The following RAB5C variants were observed in gnomAD, a reference collection of about 807,000 sequenced individuals.
RAB5C encodes the protein ras-related protein Rab-5C.
A neutral mutation model predicts 25.2 loss-of-function variants in RAB5C; 4 were observed. That is an observed-to-expected ratio of 0.16 (90% CI 0.08 to 0.36). The LOEUF is 0.36. Ranked by LOEUF, RAB5C falls within the 10% of genes least tolerant of loss-of-function variation. RAB5C has a pLI of 1.00. For synonymous variants in RAB5C, 100 were observed against 106.4 expected (o/e 0.94, Z 0.37); for missense variants, 199 against 283.8 (o/e 0.70, Z 2.15).
chr17:42,135,337 A>G (rs2054526477), intron 1 of RAB5C, among the ~76,000 whole-genome samples: 1 of 150,832 alleles, frequency 6.6e-6, no homozygotes, highest in South Asian at 2.1e-4. Context: ...GATTCACTGC[A>G]GCCTTGACCT....
chr17:42,133,584 G>T (rs868343822), intron 1 of RAB5C, among the ~76,000 whole-genome samples: 1 of 152,208 alleles, frequency 6.6e-6, no homozygotes, highest in Non-Finnish European at 1.5e-5. Flanking sequence ...GCATCTGCAG[G>T]TGAAGCACAC....
chr17:42,133,357 T>A (rs914345099), intron 1 of RAB5C, among the ~76,000 whole-genome samples: 2 of 152,166 alleles, frequency 1.3e-5, no homozygotes, highest in Admixed American at 1.3e-4. Context: ...AGCTGGGAAG[T>A]AACCAGCACC....
chr17:42,134,494 C>G (rs1456367509), intron 1 of RAB5C, among the ~76,000 whole-genome samples: 1 of 152,134 alleles, frequency 6.6e-6, no homozygotes, highest in Admixed American at 6.5e-5. Context: ...CAAGAATTGC[C>G]TGAACCCAGG....
At chr17:42,137,551 T>C (rs2054549602) in intron 1 of RAB5C, among the ~76,000 whole-genome samples, 1 of 152,292 alleles carries the variant, frequency 6.6e-6, no homozygotes, top group African/African-American at 2.4e-5. Context: ...CTCCTCTGTA[T>C]ATAAAATATT....
rs377559925 is a variant in RAB5C at position 42,144,904 on chromosome 17, C to T, written c.-89+9989G>A. 3.6e-3 allele frequency among the ~76,000 whole-genome samples: 323 copies of T among 90,196 alleles called. 3 individuals carry two copies. The highest frequency in any genetic ancestry group is 0.015 in the African/African-American group (307 of 20,644). The allele number at this position is 90,196 out of a possible 152,430, so 59.2% of individuals were successfully genotyped here. A position where few individuals can be genotyped will look rare whatever the true frequency, so the allele number is the denominator to read the frequency against. On this transcript the variant is annotated intron_variant, in intron 1 of 5. Transcript: ENST00000346213. ...ATTGCCCCACTGCATCCAGCCTGGGCGACAGAGCCAGACTCCGTCTCAAAA... is the reference window on the plus strand; with the variant it reads ...ATTGCCCCACTGCATCCAGCCTGGGTGACAGAGCCAGACTCCGTCTCAAAA...
intron 1 of RAB5C, among the ~76,000 whole-genome samples, chr17:42,142,691 A>T (rs2079610208): frequency 6.6e-6 from 1 of 152,230 alleles, no homozygotes. Context: ...AACTCCTGTT[A>T]AGATCCCAAG....
At chr17:42,136,962 A>T (rs1324884316) in intron 1 of RAB5C, among the ~76,000 whole-genome samples, 11 of 152,232 alleles carry the variant, frequency 7.2e-5, no homozygotes, top group East Asian at 1.9e-4. Context: ...GCATGTTTTT[A>T]AAAAATGTAG....
At chr17:42,128,530 T>TGGGGGGGGGGGGGGGGGGGG in intron 3 of RAB5C, 119 bp downstream of exon 3, 2 of 730,792 alleles carry the variant, frequency 2.7e-6, no homozygotes, top group Non-Finnish European at 4.1e-6. Context: ...ACAGGAAATC[T>TGGGGGGGGGGGGGGGGGGGG]GCCCACCCCC....
chr17:42,139,401 C>G (rs1292121082), intron 1 of RAB5C, among the ~76,000 whole-genome samples: 2 of 152,258 alleles, frequency 1.3e-5, no homozygotes, highest in African/African-American at 4.8e-5. Context: ...GCTGACATTC[C>G]TGAGACTGTT....
At chr17:42,126,054 G>T (rs780653682) in intron 5 of RAB5C, among the ~76,000 whole-genome samples, 156 bp from the exon 6 acceptor site, 1 of 152,164 alleles carries the variant, frequency 6.6e-6, no homozygotes, top group East Asian at 1.9e-4. Flanking sequence ...TCAGGAAACT[G>T]CGGCAAAGTA....
chr17:42,127,827 G>GTT (rs34288959), intron 4 of RAB5C, among the ~76,000 whole-genome samples: 16 of 121,212 alleles, frequency 1.3e-4, no homozygotes, highest in South Asian at 5.4e-4. Context: ...ACACCTGGCT[G>GTT]TTTTTTTTTT....
chr17:42,146,582 C>T (rs2079636266), intron 1 of RAB5C, among the ~76,000 whole-genome samples: 1 of 152,152 alleles, frequency 6.6e-6, no homozygotes, highest in Admixed American at 6.6e-5. Context: ...AACCCCGTCT[C>T]TACTAAAAAT....
In RAB5C at chr17:42,130,559, A is replaced by C. The variant is rs2054474724; in HGVS notation, c.-57T>G. 1 of 1,601,036 alleles carries C rather than the reference A, an allele frequency of 6.2e-7. No homozygotes were observed. Among genetic ancestry groups the C allele is most frequent in the African/African-American group, 1.3e-5 (1 of 74,700 alleles). On this transcript the variant is annotated 5_prime_UTR_variant, in exon 2 of 6. Coordinates refer to ENST00000346213, the MANE Select transcript of RAB5C (RefSeq NM_004583.4). Reference sequence around the variant, plus strand: ...TGCGGGTGGGGACTGGTGCTATGCAAAGAGGCACTTAGTGGGGAGGGGGAC... The same window carrying C: ...TGCGGGTGGGGACTGGTGCTATGCACAGAGGCACTTAGTGGGGAGGGGGAC...
At chr17:42,129,120 G>A (rs1389986820) in intron 2 of RAB5C, among the ~76,000 whole-genome samples, 2 of 152,040 alleles carry the variant, frequency 1.3e-5, no homozygotes, top group Non-Finnish European at 2.9e-5. Context: ...GAAAGCCTAG[G>A]GGAAGCCTAC....
chr17:42,132,495 T>C (rs1001735279), intron 1 of RAB5C, among the ~76,000 whole-genome samples: 1 of 152,186 alleles, frequency 6.6e-6, no homozygotes, highest in Admixed American at 6.5e-5. Flanking sequence ...TTCCTCACAG[T>C]GCCTATGTGC....
chr17:42,130,720 C>A, intron 1 of RAB5C, 130 bp from the exon 2 acceptor site: 1 of 1,155,366 alleles, frequency 8.7e-7, no homozygotes, highest in East Asian at 2.6e-5. Flanking sequence ...ACCTCACCTC[C>A]CTGCCCTCCC....
At chr17:42,144,629 T>C (rs983519148) in intron 1 of RAB5C, among the ~76,000 whole-genome samples, 1 of 147,524 alleles carries the variant, frequency 6.8e-6, no homozygotes, top group Admixed American at 6.7e-5. Flanking sequence ...CTGGCTAACA[T>C]GGTGAAACCC....
intron 1 of RAB5C, among the ~76,000 whole-genome samples, chr17:42,147,377 CAG>C (rs1416851353): frequency 6.6e-6 from 1 of 152,198 alleles, no homozygotes; most frequent in Non-Finnish European, 1.5e-5. Flanking sequence ...TATCCACAGG[CAG>C]AGTCAAATTT....
chr17:42,130,616 GAGTT>G (rs1195800398), intron 1 of RAB5C, 26 bp from the exon 2 acceptor site: 7 of 1,522,278 alleles, frequency 4.6e-6, no homozygotes, highest in Admixed American at 2.0e-5. Flanking sequence ...GAGAAGTACT[GAGTT>G]AGTTCAGAGG....
Sources: allele counts gnomAD v4.1 joint callset (sites outside exome capture counted in the v4.1 genomes callset), GRCh38; gene constraint gnomAD v4.1.1; transcripts MANE v1.5; gene names NCBI Gene and HGNC (gene_info 2026-07-23, HGNC 2026-07-21).